Variants in CD38 observed in about 807,000 individuals in gnomAD.
The protein encoded by CD38 is ADP-ribosyl cyclase/cyclic ADP-ribose hydrolase 1.
In CD38, 31 loss-of-function variants were observed where a neutral mutation model predicts 36.3. That is an observed-to-expected ratio of 0.85 (90% CI 0.64 to 1.15). CD38 has a LOEUF of 1.15. CD38 is among the 50% of genes most tolerant of loss of function. The probability of loss-of-function intolerance (pLI) is 0.00; values close to 1 mark genes in which losing one functional copy is unlikely to be tolerated. For missense variants in CD38, 380 were observed against 371.9 expected, an observed-to-expected ratio of 1.02 and a Z score of -0.18; for synonymous variants, 131 against 135.2, an observed-to-expected ratio of 0.97 and a Z score of 0.22.
At chr4:15,814,803 T>C (rs1250218506) in intron 1 of CD38, among the ~76,000 whole-genome samples, 1 of 148,714 alleles carries the variant, frequency 6.7e-6, no homozygotes, top group Admixed American at 6.6e-5. Flanking sequence ...TTTTTGTTTT[T>C]TGTTTTTTGT....
chr4:15,829,346 ATTTATC>A (rs770754741), intron 3 of CD38, among the ~76,000 whole-genome samples: 10 of 152,294 alleles, frequency 6.6e-5, no homozygotes, highest in Non-Finnish European at 1.3e-4. Context: ...CCCCATAAGC[ATTTATC>A]TTTTGTGTTA....
rs778785395 is a variant in CD38, at chr4:15,848,592, C to G, written c.893C>G (p.Ser298Cys). Residue 298 changes from serine (S) to cysteine (C), a missense_variant, in exon 8 of 8, where the codon TCT becomes TGT. By Grantham distance (112) the Ser-to-Cys change is moderately radical. Coordinates refer to ENST00000226279, the MANE Select transcript of CD38 (RefSeq NM_001775.4). ...VKNPEDSSCTSEI is the reference protein window; with the variant it reads ...VKNPEDSSCTCEI ...AATCCTGAGGATTCATCTTGCACAT[C>G]TGAGATCTGAGCCAGTCGCTGTGGT... 3.7e-6 allele frequency: 6 copies of G among 1,613,352 alleles called. No individual in the cohort carries two copies. Among genetic ancestry groups the G allele is most frequent in the South Asian group, 3.3e-5 (3 of 91,042 alleles).
intron 3 of CD38, among the ~76,000 whole-genome samples, chr4:15,829,662 C>T (rs1198397950): frequency 6.6e-6 from 1 of 152,116 alleles, no homozygotes; most frequent in African/African-American, 2.4e-5. Context: ...CTACAGTCAC[C>T]ATACTGTGCT....
At chr4:15,783,847 T>A (rs567898384) in intron 1 of CD38, among the ~76,000 whole-genome samples, 140 of 152,346 alleles carry the variant, frequency 9.2e-4, no homozygotes, top group Non-Finnish European at 1.5e-3. Context: ...GCCTCCCATT[T>A]TAATGACTGT....
At chr4:15,834,762 A>G (rs953172351) in intron 4 of CD38, among the ~76,000 whole-genome samples, 2 of 152,346 alleles carry the variant, frequency 1.3e-5, no homozygotes, top group African/African-American at 4.8e-5. Flanking sequence ...CATAACGTGA[A>G]GGTACAAGTA....
Position 15,853,201 on chromosome 4 carries a change from A to C in CD38, c.*4599A>C, listed in dbSNP as rs2148931485. ...AATTTATTTGTAACAGACAAAAATG[A>C]ATTAAACAAACAATAAAAGTATAAT... On this transcript the variant is annotated 3_prime_UTR_variant, in exon 8 of 8. Transcript: ENST00000226279. 1 of 152,330 alleles carries C rather than the reference A, an allele frequency of 6.6e-6. No homozygotes were observed. Among genetic ancestry groups the C allele is most frequent in the Non-Finnish European group, 1.5e-5 (1 of 68,032 alleles). 9.4% of individuals were successfully genotyped at this position (152,330 alleles called of 1,614,324 possible).
chr4:15,830,309 A>T (rs1304755263), intron 3 of CD38, among the ~76,000 whole-genome samples: 1 of 152,194 alleles, frequency 6.6e-6, no homozygotes, highest in Non-Finnish European at 1.5e-5. Context: ...ATGATATCTC[A>T]TGATAGTTTT....
At position 15,778,496 on chromosome 4, in the gene CD38, G is replaced by T; in HGVS notation, c.82G>T (p.Val28Phe). Residue 28 changes from valine (V) to phenylalanine (F), a missense_variant, in exon 1 of 8, where the codon GTC (valine) becomes TTC (phenylalanine). Coordinates refer to ENST00000226279, the MANE Select transcript of CD38 (RefSeq NM_001775.4). The surrounding 1 kb of genome is among the most constrained non-coding windows in gnomAD (Gnocchi z 4.9). ...TAGGAGAGCCCAACTCTGTCTTGGC[G>T]TCAGTATCCTGGTCCTGATCCTCGT... ...LSRRAQLCLG[V>F]SILVLILVVV... The T allele has an allele frequency of 1.9e-6, 3 of 1,613,876 alleles. No individual in the cohort carries two copies. Among genetic ancestry groups the T allele is most frequent in the Non-Finnish European group, 2.5e-6 (3 of 1,179,996 alleles).
intron 1 of CD38, among the ~76,000 whole-genome samples, chr4:15,810,796 G>C (rs376395191): frequency 6.6e-5 from 10 of 152,290 alleles, no homozygotes; most frequent in African/African-American, 2.4e-4. Flanking sequence ...ACCTAAACTT[G>C]CATCAGAATT....
chr4:15,813,956 A>G lies in CD38; in HGVS notation c.234-2555A>G, dbSNP rs576334954. On this transcript the variant is annotated intron_variant, in intron 1 of 7. Coordinates refer to ENST00000226279, the MANE Select transcript of CD38 (RefSeq NM_001775.4). ...TACAATGATTTATACTCCTTTGGGT[A>G]TATACCCAGTAATGGGATTGCTGGG... 2.6e-5 allele frequency among the ~76,000 whole-genome samples: 4 copies of G among 152,218 alleles called. No homozygotes were observed. The South Asian group carries it at 8.3e-4, about 32-fold the overall frequency.
At chr4:15,838,057 T>C (rs11574925) in intron 4 of CD38, 35 bp from the exon 5 acceptor site, 3 of 1,558,016 alleles carry the variant, frequency 1.9e-6, no homozygotes, top group South Asian at 1.1e-5. Flanking sequence ...GTGATTAAGT[T>C]TGCATGATGA....
chr4:15,811,616 C>A (rs1723472546), intron 1 of CD38, among the ~76,000 whole-genome samples: 1 of 151,678 alleles, frequency 6.6e-6, no homozygotes, highest in Admixed American at 6.6e-5. Context: ...ACTCTTTATT[C>A]CATTGATCTA....
At chr4:15,800,775 T>G (rs1328139071) in intron 1 of CD38, among the ~76,000 whole-genome samples, 2 of 151,968 alleles carry the variant, frequency 1.3e-5, no homozygotes, top group Non-Finnish European at 2.9e-5. Context: ...CATACCAAAA[T>G]CTATGGAATA....
chr4:15,780,441 T>TA (rs1722665310), intron 1 of CD38, among the ~76,000 whole-genome samples: 1 of 152,178 alleles, frequency 6.6e-6, no homozygotes, highest in South Asian at 2.1e-4. Flanking sequence ...CCTGTCCAGA[T>TA]ACTTGATACT....
At chr4:15,813,810 G>A (rs1212796429) in intron 1 of CD38, among the ~76,000 whole-genome samples, 3 of 152,132 alleles carry the variant, frequency 2.0e-5, no homozygotes, top group African/African-American at 7.2e-5. Flanking sequence ...AGTATTCCAT[G>A]GTGTATATGT....
At chr4:15,809,204 G>T (rs1448168494) in intron 1 of CD38, among the ~76,000 whole-genome samples, 1 of 152,218 alleles carries the variant, frequency 6.6e-6, no homozygotes, top group Non-Finnish European at 1.5e-5. Context: ...CTGATTGTTG[G>T]CTAACTGGCG....
chr4:15,829,990 T>A (rs898411844), intron 3 of CD38, among the ~76,000 whole-genome samples: 1 of 152,212 alleles, frequency 6.6e-6, no homozygotes, highest in African/African-American at 2.4e-5. Flanking sequence ...TCCATTTATC[T>A]ATTGATGGAC....
chr4:15,801,096 G>A (rs148965542), intron 1 of CD38, among the ~76,000 whole-genome samples: 66 of 152,022 alleles, frequency 4.3e-4, no homozygotes, highest in Middle Eastern at 6.8e-3. Flanking sequence ...TGAAAAAGGA[G>A]ATGTTACAAT....
At chr4:15,792,455 CAAGAAAAAAA>C (rs1222679333) in intron 1 of CD38, among the ~76,000 whole-genome samples, 1 of 135,844 alleles carries the variant, frequency 7.4e-6, no homozygotes, top group Admixed American at 7.0e-5. Flanking sequence ...AGGAATGAAT[CAAGAAAAAAA>C]AAGAAAAGAA....
Sources: gnomAD v4.1 joint callset for allele counts (sites outside exome capture counted in the v4.1 genomes callset) on GRCh38, gnomAD v4.1.1 for gene constraint, Gnocchi (gnomAD v3.1) non-coding constraint, MANE v1.5 for transcripts, NCBI Gene and HGNC (gene_info 2026-07-23, HGNC 2026-07-21) for gene names.